PCDHA12: variants seen among roughly 807,000 people sequenced by gnomAD.
PCDHA12 encodes the protein protocadherin alpha 12.
Under a neutral mutation model 60.0 loss-of-function variants are expected in PCDHA12, and 44 were observed. The ratio of observed to expected loss-of-function variants is 0.73; its 90% CI spans 0.58 to 0.94. The LOEUF (loss-of-function observed/expected upper bound fraction) is 0.94, where lower values mean the gene tolerates loss of function less well. PCDHA12 is among the 40% of genes least tolerant of loss of function. The pLI, the probability that PCDHA12 is intolerant of heterozygous loss-of-function variation, is 0.00. For missense variants in PCDHA12, 1,276 were observed against 1,239.7 expected (o/e 1.03, Z -0.44); for synonymous variants, 569 against 553.0 (o/e 1.03, Z -0.40).
chr5:140,993,949 T>C (rs1330727166), intron 3 of PCDHA12, among the ~76,000 whole-genome samples: 1 of 152,204 alleles, frequency 6.6e-6, no homozygotes, highest in Non-Finnish European at 1.5e-5. Flanking sequence ...TGTTAAGTGA[T>C]ACATGACTGT....
rs183321184 is a variant in PCDHA12 at position 140,907,756 on chromosome 5, C to G, written c.2367+29917C>G. 7.8e-3 allele frequency among the ~76,000 whole-genome samples: 1,193 copies of G among 152,264 alleles called. 22 individuals carry two copies. The highest frequency in any genetic ancestry group is 0.027 in the African/African-American group (1,101 of 41,546). On this transcript the variant is annotated intron_variant, in intron 1 of 3. Coordinates refer to ENST00000398631, the MANE Select transcript of PCDHA12 (RefSeq NM_018903.4). ...CCACCATGGCCACTTTGTTCATGGGCCCATTGGGTGATGACAGGGGTGGCT... is the reference window on the plus strand; with the variant it reads ...CCACCATGGCCACTTTGTTCATGGGGCCATTGGGTGATGACAGGGGTGGCT...
At chr5:140,896,089 G>GGATTA (rs2065370419) in intron 1 of PCDHA12, among the ~76,000 whole-genome samples, 1 of 152,010 alleles carries the variant, frequency 6.6e-6, no homozygotes, top group Non-Finnish European at 1.5e-5. Flanking sequence ...GGGATTACAG[G>GGATTA]CGTGAGCCAC....
chr5:140,927,420 G>A (rs782549245), intron 1 of PCDHA12: 5 of 1,614,108 alleles, frequency 3.1e-6, no homozygotes, highest in Non-Finnish European at 4.2e-6. Flanking sequence ...TGGGATCGCG[G>A]GTTGACGGCA....
intron 1 of PCDHA12, among the ~76,000 whole-genome samples, chr5:140,922,848 C>A (rs1345344826): frequency 6.6e-6 from 1 of 151,962 alleles, no homozygotes; most frequent in Non-Finnish European, 1.5e-5. Context: ...TCAAAGAGAC[C>A]AAATACATAG....
intron 1 of PCDHA12, chr5:140,884,166 C>T: frequency 1.2e-6 from 2 of 1,613,430 alleles, no homozygotes; most frequent in Non-Finnish European, 1.7e-6. Context: ...GAGATCAGCA[C>T]GACGCGCCCT....
intron 1 of PCDHA12, among the ~76,000 whole-genome samples, chr5:140,972,725 G>A (rs985697414): frequency 2.7e-5 from 4 of 146,408 alleles, no homozygotes; most frequent in African/African-American, 7.7e-5. Context: ...GTGCAGTGGC[G>A]TAATCCCGGC....
At chr5:140,968,008 CT>C (rs782634586) in intron 1 of PCDHA12, 1 of 1,614,202 alleles carries the variant, frequency 6.2e-7, no homozygotes, top group Non-Finnish European at 8.5e-7. Context: ...GACTGAATGG[CT>C]TTGGAAACTC....
chr5:140,967,769 G>A (rs1213232834), intron 1 of PCDHA12: 1 of 1,614,104 alleles, frequency 6.2e-7, no homozygotes, highest in Non-Finnish European at 8.5e-7. Flanking sequence ...CCAGATCTAT[G>A]TGCAGGCGAC....
chr5:140,968,127 C>T (rs1217974732), intron 1 of PCDHA12: 7 of 1,614,064 alleles, frequency 4.3e-6, no homozygotes, highest in Non-Finnish European at 5.9e-6. Context: ...TCCCTGCGTA[C>T]ACTGAAGGTT....
intron 1 of PCDHA12, among the ~76,000 whole-genome samples, chr5:140,895,848 G>T (rs147299280): frequency 6.6e-6 from 1 of 151,982 alleles, no homozygotes; most frequent in Non-Finnish European, 1.5e-5. Flanking sequence ...TCTCACTCTT[G>T]TACCCCAGGC....
intron 1 of PCDHA12, among the ~76,000 whole-genome samples, chr5:140,945,069 A>G (rs550774069): frequency 6.6e-6 from 1 of 152,278 alleles, no homozygotes; most frequent in East Asian, 1.9e-4. Context: ...TACAGACTCC[A>G]CCAAAACACT....
chr5:140,986,198 C>T (rs782730684), intron 3 of PCDHA12, among the ~76,000 whole-genome samples: 1 of 152,200 alleles, frequency 6.6e-6, no homozygotes, highest in African/African-American at 2.4e-5. Flanking sequence ...ATTGGTTAAT[C>T]CTGATTACTG....
intron 1 of PCDHA12, among the ~76,000 whole-genome samples, chr5:140,946,349 G>A (rs1412325014): frequency 6.6e-6 from 1 of 151,910 alleles, no homozygotes; most frequent in Non-Finnish European, 1.5e-5. Flanking sequence ...TGGAGAGGAT[G>A]TGGAGAAAAG....
chr5:140,962,216 G>C (rs554182128), intron 1 of PCDHA12, among the ~76,000 whole-genome samples: 2 of 152,170 alleles, frequency 1.3e-5, no homozygotes, highest in African/African-American at 4.8e-5. Context: ...TATTGATCTT[G>C]AGGTTCAAGT....
chr5:140,913,138 T>C (rs1367874502), intron 1 of PCDHA12, among the ~76,000 whole-genome samples: 1 of 152,204 alleles, frequency 6.6e-6, no homozygotes, highest in East Asian at 1.9e-4. Flanking sequence ...CTCTACTTTT[T>C]GGAATAGTTT....
intron 3 of PCDHA12, among the ~76,000 whole-genome samples, chr5:140,987,146 G>A (rs942853645): frequency 1.3e-5 from 2 of 151,812 alleles, no homozygotes; most frequent in Non-Finnish European, 2.9e-5. Flanking sequence ...CTCGGGAGGT[G>A]GAGGTTGCAG....
chr5:140,928,940 A>G (rs2085663832), intron 1 of PCDHA12: 1 of 1,613,944 alleles, frequency 6.2e-7, no homozygotes. Flanking sequence ...CAGAACTTGT[A>G]TTTAGTAATT....
At chr5:140,994,394 T>G (rs1332946220) in intron 3 of PCDHA12, among the ~76,000 whole-genome samples, 3 of 152,110 alleles carry the variant, frequency 2.0e-5, no homozygotes, top group African/African-American at 7.2e-5. Flanking sequence ...AGTCAGAGAT[T>G]ATTTGACATT....
chr5:140,884,241 C>A (rs782355331), intron 1 of PCDHA12: 5 of 1,613,408 alleles, frequency 3.1e-6, no homozygotes, highest in Non-Finnish European at 4.2e-6. Flanking sequence ...GGTGAGCCCG[C>A]GCTGACGGCC....
Sources: gnomAD v4.1 joint callset for allele counts (sites outside exome capture counted in the v4.1 genomes callset) on GRCh38, gnomAD v4.1.1 for gene constraint, MANE v1.5 for transcripts, NCBI Gene and HGNC (gene_info 2026-07-23, HGNC 2026-07-21) for gene names.